The following MICAL3 variants were observed in gnomAD, a reference collection of about 807,000 sequenced individuals.
MICAL3 encodes the protein microtubule associated monooxygenase, calponin and LIM domain containing 3.
Under a neutral mutation model 207.4 loss-of-function variants are expected in MICAL3, and 62 were observed. That is an observed-to-expected ratio of 0.30 (90% CI 0.24 to 0.37). The LOEUF is 0.37. Ranked by LOEUF, MICAL3 falls within the 10% of genes least tolerant of loss-of-function variation. The pLI, the probability that MICAL3 is intolerant of heterozygous loss-of-function variation, is 1.00. For synonymous variants in MICAL3, 1,077 were observed against 1,069.3 expected (o/e 1.01, Z -0.14); for missense variants, 2,368 against 2,635.6 (o/e 0.90, Z 2.22).
At position 17,904,747 on chromosome 22, in the gene MICAL3, A is replaced by G. The variant is rs752144389; in HGVS notation, c.357T>C (p.Asp119=). 2 of 1,613,918 alleles carry G rather than the reference A, an allele frequency of 1.2e-6. No individual in the cohort carries two copies. The highest frequency in any genetic ancestry group is 1.1e-5 in the South Asian group (1 of 91,080). ...GCAAGACGTTGTTGCGGGAGAAGGCATCTCGTTTCTCAATAACAACCACCT... is the reference window on the plus strand; with the variant it reads ...GCAAGACGTTGTTGCGGGAGAAGGCGTCTCGTTTCTCAATAACAACCACCT... ...GAKVVVIEKR[D]AFSRNNVLHL... Residue 119 remains aspartate, a synonymous_variant, in exon 3 of 32, where the codon GAT becomes GAC. Transcript: ENST00000441493.
At chr22:17,971,442 T>G (rs955875596) in intron 1 of MICAL3, among the ~76,000 whole-genome samples, 3 of 152,170 alleles carry the variant, frequency 2.0e-5, no homozygotes, top group Non-Finnish European at 4.4e-5. Context: ...ATCGCACCAT[T>G]GCACTCCAGC....
intron 1 of MICAL3, among the ~76,000 whole-genome samples, chr22:17,973,854 G>A (rs1045089761): frequency 3.3e-5 from 5 of 152,112 alleles, no homozygotes; most frequent in Non-Finnish European, 4.4e-5. Flanking sequence ...CTGGGAGGTC[G>A]AGGCTGCAGT....
In MICAL3 at chr22:17,801,309, C is replaced by T. The variant is rs973343704; in HGVS notation, c.5650+7535G>A. ...CCGGGACTACAGGCGCCCGCCACTA[C>T]GCCCGGCTAATTTTTTTGTATTTTT... On this transcript the variant is annotated intron_variant, in intron 29 of 31. Transcript: ENST00000441493. 1.5e-4 allele frequency among the ~76,000 whole-genome samples: 16 copies of T among 105,102 alleles called. 3 individuals carry two copies. Among genetic ancestry groups the T allele is most frequent in the Non-Finnish European group, 2.3e-4 (13 of 56,868 alleles). The allele number at this position is 105,102 out of a possible 152,430, so 69.0% of individuals were successfully genotyped here.
chr22:17,944,725 A>G (rs1456689054), intron 1 of MICAL3, among the ~76,000 whole-genome samples: 1 of 152,130 alleles, frequency 6.6e-6, no homozygotes, highest in Non-Finnish European at 1.5e-5. Context: ...CAGGTGGGAG[A>G]AACCGCATTT....
chr22:17,968,911 G>A (rs1419682908), intron 1 of MICAL3, among the ~76,000 whole-genome samples: 1 of 151,920 alleles, frequency 6.6e-6, no homozygotes, highest in African/African-American at 2.4e-5. Flanking sequence ...TGGTCTCATG[G>A]GTAAATTAAC....
At chr22:17,822,285 C>T (rs1921728129) in intron 23 of MICAL3, 115 bp from the exon 24 acceptor site, 4 of 1,304,328 alleles carry the variant, frequency 3.1e-6, no homozygotes, top group African/African-American at 3.0e-5. Context: ...CAGGTGCAGG[C>T]CTGGAGGCCC....
At chr22:17,996,021 G>A (rs1382324668) in intron 1 of MICAL3, among the ~76,000 whole-genome samples, 1 of 151,594 alleles carries the variant, frequency 6.6e-6, no homozygotes, top group Admixed American at 6.6e-5. Context: ...AATTAGCCAG[G>A]CTTGGTGGTG....
chr22:17,979,418 G>A (rs984468184), intron 1 of MICAL3, among the ~76,000 whole-genome samples: 1 of 151,648 alleles, frequency 6.6e-6, no homozygotes, highest in Non-Finnish European at 1.5e-5. Context: ...GGTGCTGGGC[G>A]CCTGTAATCC....
At chr22:18,015,704 C>A (rs778305203) in intron 1 of MICAL3, among the ~76,000 whole-genome samples, 3 of 152,094 alleles carry the variant, frequency 2.0e-5, no homozygotes, top group African/African-American at 4.8e-5. Flanking sequence ...ATCTCTAATC[C>A]ATCACTTCAG....
chr22:17,961,121 C>T (rs1227269948), intron 1 of MICAL3, among the ~76,000 whole-genome samples: 1 of 152,126 alleles, frequency 6.6e-6, no homozygotes, highest in Non-Finnish European at 1.5e-5. Flanking sequence ...TCTGGAAGTG[C>T]CTGCAAAAAT....
chr22:17,831,892 T>C lies in MICAL3; in HGVS notation c.3017A>G (p.Glu1006Gly). ...TTCCTCCTCCTCGTCATAGTCCTCC[T>C]CCTCCTCCTCTTCATATTCTTCCTC... ...EEEEEYEEEE[E>G]EDYDEEEEES... is the part of the protein sequence containing the mutation. Residue 1006 changes from glutamate to glycine, a missense_variant, in exon 21 of 32, where the codon GAG becomes GGG. Physicochemically the swap from Glu to Gly is moderately conservative, Grantham distance 98. This residue lies in a region of MICAL3 where 1,770 missense variants were observed against 1,863.2 expected (regional missense o/e 0.95). Coordinates refer to ENST00000441493, the MANE Select transcript of MICAL3 (RefSeq NM_015241.3). The C allele has an allele frequency of 6.4e-7, 1 of 1,555,104 alleles. No homozygotes were observed. The highest frequency in any genetic ancestry group is 8.7e-7 in the Non-Finnish European group (1 of 1,148,886).
intron 1 of MICAL3, among the ~76,000 whole-genome samples, chr22:18,018,375 A>G (rs1357044577): frequency 6.6e-6 from 1 of 152,316 alleles, no homozygotes; most frequent in East Asian, 1.9e-4. Flanking sequence ...TTTCTTGACC[A>G]TGATTCATAA....
intron 18 of MICAL3, among the ~76,000 whole-genome samples, chr22:17,865,519 G>A (rs998830263): frequency 4.6e-5 from 7 of 152,224 alleles, no homozygotes; most frequent in African/African-American, 1.7e-4. Context: ...TGAGGGTGGG[G>A]CCACCGAGGG....
At chr22:17,947,673 G>A (rs1454319407) in intron 1 of MICAL3, among the ~76,000 whole-genome samples, 1 of 151,962 alleles carries the variant, frequency 6.6e-6, no homozygotes, top group Non-Finnish European at 1.5e-5. Flanking sequence ...ATCCTCCCAC[G>A]TCAGCCTCCC....
chr22:17,861,881 C>T (rs1215826053), intron 19 of MICAL3: 1 of 985,422 alleles, frequency 1.0e-6, no homozygotes, highest in Non-Finnish European at 1.2e-6. Context: ...TTAAAGCCGA[C>T]CTAGAGTGGT....
chr22:17,871,699 G>A (rs1927741214), intron 17 of MICAL3, 138 bp downstream of exon 17: 6 of 712,244 alleles, frequency 8.4e-6, no homozygotes, highest in Non-Finnish European at 1.4e-5. Flanking sequence ...AGGGAGAGGG[G>A]CAAGAAAGGC....
At chr22:17,824,799 G>A (rs140082010) in intron 22 of MICAL3, among the ~76,000 whole-genome samples, 10 of 152,190 alleles carry the variant, frequency 6.6e-5, no homozygotes, top group African/African-American at 1.4e-4. Flanking sequence ...TTAAAACCTC[G>A]GTGTGAGAAC....
chr22:17,865,044 A>G (rs1398489565), intron 18 of MICAL3, 58 bp from the exon 19 acceptor site: 1 of 1,536,566 alleles, frequency 6.5e-7, no homozygotes, highest in Non-Finnish European at 8.8e-7. Flanking sequence ...CAAATCCTCA[A>G]ATCCCTAGAG....
intron 1 of MICAL3, among the ~76,000 whole-genome samples, chr22:17,947,282 C>T (rs1360987974): frequency 6.6e-6 from 1 of 152,244 alleles, no homozygotes; most frequent in Non-Finnish European, 1.5e-5. Context: ...GTGGGCCCCC[C>T]AGCATGGCCA....
Sources: gnomAD v4.1 joint callset for allele counts (sites outside exome capture counted in the v4.1 genomes callset) on GRCh38, gnomAD v4.1.1 for gene constraint, gnomAD v4.1.1 regional missense constraint, MANE v1.5 for transcripts, NCBI Gene and HGNC (gene_info 2026-07-23, HGNC 2026-07-21) for gene names.